MB21D2: variants seen among roughly 807,000 people sequenced by gnomAD.
MB21D2 encodes the protein Mab-21 domain containing 2, also known as nucleotidyltransferase MB21D2.
A neutral mutation model predicts 33.3 loss-of-function variants in MB21D2; 9 were observed. The ratio of observed to expected loss-of-function variants is 0.27; its 90% CI spans 0.16 to 0.47. The LOEUF (loss-of-function observed/expected upper bound fraction) is 0.47, where lower values mean the gene tolerates loss of function less well. Ranked by LOEUF, MB21D2 falls within the 20% of genes least tolerant of loss-of-function variation. The probability of loss-of-function intolerance (pLI) is 0.99; values close to 1 mark genes in which losing one functional copy is unlikely to be tolerated. For missense variants in MB21D2, 540 were observed against 624.6 expected, an observed-to-expected ratio of 0.86 and a Z score of 1.44; for synonymous variants, 241 against 236.3, an observed-to-expected ratio of 1.02 and a Z score of -0.18.
intron 1 of MB21D2, among the ~76,000 whole-genome samples, chr3:192,865,870 ACT>A (rs756983875): frequency 1.5e-4 from 23 of 151,960 alleles, no homozygotes; most frequent in Middle Eastern, 3.4e-3. Context: ...ACATAGTAAG[ACT>A]CTGTCTCTAC....
intron 1 of MB21D2, among the ~76,000 whole-genome samples, chr3:192,913,575 G>C (rs1018217454): frequency 6.6e-6 from 1 of 151,946 alleles, no homozygotes; most frequent in Non-Finnish European, 1.5e-5. Context: ...TGTAATACCA[G>C]CACTTTGGGA....
intron 1 of MB21D2, among the ~76,000 whole-genome samples, chr3:192,893,527 CAGA>C (rs1577198924): frequency 6.6e-6 from 1 of 152,150 alleles, no homozygotes; most frequent in Non-Finnish European, 1.5e-5. Flanking sequence ...CAGTAAGTGA[CAGA>C]AGAAGGCTGC....
intron 1 of MB21D2, among the ~76,000 whole-genome samples, chr3:192,872,022 A>G (rs1458342844): frequency 2.6e-5 from 4 of 152,078 alleles, no homozygotes; most frequent in Non-Finnish European, 4.4e-5. Flanking sequence ...CATTTCACTC[A>G]TTTTCTTTTA....
At chr3:192,852,561 A>G (rs140132495) in intron 1 of MB21D2, among the ~76,000 whole-genome samples, 401 of 152,328 alleles carry the variant, frequency 2.6e-3, no homozygotes, top group African/African-American at 9.0e-3. Flanking sequence ...CAAGGAAAAC[A>G]GTCTCTTTAC....
intron 1 of MB21D2, among the ~76,000 whole-genome samples, chr3:192,818,503 G>A (rs530650861): frequency 1.3e-5 from 2 of 152,216 alleles, no homozygotes; most frequent in South Asian, 2.1e-4. Context: ...AGACAGACAT[G>A]TGGTTCTTGG....
chr3:192,798,924 C>T lies in MB21D2; in HGVS notation c.938G>A (p.Cys313Tyr), dbSNP rs1234226930. 1.2e-6 allele frequency: 2 copies of T among 1,613,786 alleles called. No individual in the cohort carries two copies. Among genetic ancestry groups the T allele is most frequent in the South Asian group, 2.2e-5 (2 of 91,062 alleles). Residue 313 changes from cysteine to tyrosine, a missense_variant, in exon 2 of 2, where the codon TGC becomes TAC. Cys to Tyr is a radical substitution (Grantham distance 194). Coordinates refer to ENST00000392452, the MANE Select transcript of MB21D2 (RefSeq NM_178496.4). The surrounding 1 kb of genome is among the most constrained non-coding windows in gnomAD (Gnocchi z 4.8). ...SSSLMQAYQA[C>Y]KAIIIKLLSR... ...CAGCAGTTTAATGATGATGGCTTTG[C>T]AGGCCTGATAGGCCTGCATGAGGCT...
intron 1 of MB21D2, among the ~76,000 whole-genome samples, chr3:192,868,188 G>A (rs1178974597): frequency 6.6e-6 from 1 of 152,222 alleles, no homozygotes; most frequent in African/African-American, 2.4e-5. Flanking sequence ...TGATCTTCAT[G>A]TGTGCCAGTG....
chr3:192,899,772 G>A (rs1449241987), intron 1 of MB21D2, among the ~76,000 whole-genome samples: 2 of 111,422 alleles, frequency 1.8e-5, no homozygotes, highest in Admixed American at 1.9e-4. Flanking sequence ...TCAGCTCTGG[G>A]GTAGGGAGAA....
chr3:192,832,362 AT>A (rs1712332546), intron 1 of MB21D2, among the ~76,000 whole-genome samples: 2 of 152,342 alleles, frequency 1.3e-5, no homozygotes, highest in Non-Finnish European at 2.9e-5. Flanking sequence ...TAAGTGAAAG[AT>A]TTTACTGAAG....
At chr3:192,873,902 A>G (rs1713374226) in intron 1 of MB21D2, among the ~76,000 whole-genome samples, 1 of 152,230 alleles carries the variant, frequency 6.6e-6, no homozygotes, top group East Asian at 1.9e-4. Context: ...GGGTTTCACC[A>G]TTCACCAGGC....
intron 1 of MB21D2, among the ~76,000 whole-genome samples, chr3:192,880,157 A>G (rs1412907123): frequency 6.6e-6 from 1 of 152,110 alleles, no homozygotes; most frequent in Admixed American, 6.5e-5. Flanking sequence ...ACCCTGACCA[A>G]CATAGTGAAA....
At chr3:192,898,002 C>G (rs569805363) in intron 1 of MB21D2, among the ~76,000 whole-genome samples, 1 of 152,020 alleles carries the variant, frequency 6.6e-6, no homozygotes, top group Admixed American at 6.6e-5. Context: ...ATACTAATAG[C>G]TGGTTCCTGA....
rs1350577844 is a variant in MB21D2 at position 192,798,584 on chromosome 3, C to T, written c.1278G>A (p.Leu426=). Residue 426 remains leucine, a synonymous_variant, in exon 2 of 2, where the codon CTG becomes CTA. Transcript: ENST00000392452. The surrounding 1 kb of genome is among the most constrained non-coding windows in gnomAD (Gnocchi z 4.8). ...TGGTGCTACCTCGCCTCTGGAGCTC[C>T]AGTGTCAGCCGGTTGGCTGCCTTGA... is the stretch of plus-strand genomic sequence containing the variant. ...EHVKAANRLT[L]ELQRRGSTTS... is the part of the protein sequence containing the mutation. 6.2e-7 allele frequency: 1 copy of T among 1,614,144 alleles called. No homozygotes were observed. The highest frequency in any genetic ancestry group is 8.5e-7 in the Non-Finnish European group (1 of 1,180,042).
chr3:192,915,515 G>T (rs1714443160), intron 1 of MB21D2, among the ~76,000 whole-genome samples: 1 of 152,118 alleles, frequency 6.6e-6, no homozygotes, highest in African/African-American at 2.4e-5. Flanking sequence ...GTCCAGAGGG[G>T]CAAAAGGCTT....
At chr3:192,830,497 A>T (rs1460190124) in intron 1 of MB21D2, among the ~76,000 whole-genome samples, 1 of 152,068 alleles carries the variant, frequency 6.6e-6, no homozygotes, top group Non-Finnish European at 1.5e-5. Flanking sequence ...CCTACCTAAT[A>T]ATGCATGGCT....
intron 1 of MB21D2, among the ~76,000 whole-genome samples, chr3:192,832,659 G>A (rs553442146): frequency 1.3e-5 from 2 of 152,198 alleles, no homozygotes; most frequent in South Asian, 2.1e-4. Context: ...ACGTGGTGGC[G>A]TGTGCCTGTA....
intron 1 of MB21D2, among the ~76,000 whole-genome samples, chr3:192,850,603 T>C (rs947380923): frequency 1.3e-5 from 2 of 152,184 alleles, no homozygotes; most frequent in Non-Finnish European, 2.9e-5. Context: ...CAGATACACA[T>C]ACACGTCTGA....
At chr3:192,814,581 G>A (rs141775597) in intron 1 of MB21D2, among the ~76,000 whole-genome samples, 441 of 152,208 alleles carry the variant, frequency 2.9e-3, no homozygotes, top group South Asian at 0.016. Context: ...AAAAAGTCTT[G>A]GGCGGGCGCG....
chr3:192,828,328 C>T (rs960466114), intron 1 of MB21D2, among the ~76,000 whole-genome samples: 1 of 151,410 alleles, frequency 6.6e-6, no homozygotes, highest in African/African-American at 2.4e-5. Context: ...CATACAGTGA[C>T]GCATGGAGAA....
Sources: allele counts gnomAD v4.1 joint callset (sites outside exome capture counted in the v4.1 genomes callset), GRCh38; gene constraint gnomAD v4.1.1; non-coding constraint Gnocchi (gnomAD v3.1); transcripts MANE v1.5; gene names NCBI Gene and HGNC (gene_info 2026-07-23, HGNC 2026-07-21).